The following MAP2K6 variants were observed in gnomAD, a reference collection of about 807,000 sequenced individuals.
The protein encoded by MAP2K6 is mitogen-activated protein kinase kinase 6, also known as dual specificity mitogen-activated protein kinase kinase 6.
Under a neutral mutation model 53.7 loss-of-function variants are expected in MAP2K6, and 16 were observed. That is an observed-to-expected ratio of 0.30 (90% CI 0.20 to 0.45). MAP2K6 has a LOEUF of 0.45. MAP2K6 is among the 20% of genes least tolerant of loss of function. The pLI is 1.00. For synonymous variants in MAP2K6, 132 were observed against 143.1 expected (o/e 0.92, Z 0.55); for missense variants, 204 against 411.9 (o/e 0.50, Z 4.37).
intron 1 of MAP2K6, among the ~76,000 whole-genome samples, chr17:69,450,216 G>A (rs916946004): frequency 6.6e-6 from 1 of 151,652 alleles, no homozygotes; most frequent in Non-Finnish European, 1.5e-5. Flanking sequence ...GCCTGCCAAA[G>A]TGCTGGGATT....
Position 69,550,986 on chromosome 17 carries a change from G to A in MAP2K6, c.*9233G>A, listed in dbSNP as rs1418491912. 6.6e-6 allele frequency: 1 copy of A among 152,146 alleles called. No individual in the cohort carries two copies. Among genetic ancestry groups the A allele is most frequent in the Non-Finnish European group, 1.5e-5 (1 of 68,028 alleles). The allele number at this position is 152,146 out of a possible 1,614,324, so 9.4% of individuals were successfully genotyped here. ...AAGACAGGGTCATTTAATTTTAATT[G>A]AGCATAAATCATTTTGAAAGAAAAA... On this transcript the variant is annotated 3_prime_UTR_variant, in exon 12 of 12. Transcript: ENST00000590474.
intron 1 of MAP2K6, among the ~76,000 whole-genome samples, chr17:69,504,888 TA>T (rs1028669601): frequency 3.2e-4 from 48 of 152,136 alleles, no homozygotes; most frequent in Non-Finnish European, 1.5e-5. Context: ...AGGGAAAATG[TA>T]AATAAGTATT....
intron 1 of MAP2K6, among the ~76,000 whole-genome samples, chr17:69,487,236 C>T (rs1908575124): frequency 6.6e-6 from 1 of 152,148 alleles, no homozygotes; most frequent in African/African-American, 2.4e-5. Context: ...AGAGTAATTT[C>T]AGCTGAAGGA....
intron 1 of MAP2K6, among the ~76,000 whole-genome samples, chr17:69,420,043 C>T (rs1189512299): frequency 6.6e-6 from 1 of 151,958 alleles, no homozygotes; most frequent in South Asian, 2.1e-4. Context: ...CAATTTAATT[C>T]CTTGATGAGT....
intron 1 of MAP2K6, among the ~76,000 whole-genome samples, chr17:69,457,023 A>G (rs1408955743): frequency 6.6e-6 from 1 of 152,142 alleles, no homozygotes; most frequent in Non-Finnish European, 1.5e-5. Flanking sequence ...GTTTTTGCAT[A>G]TGCTGTTCCC....
chr17:69,525,005 A>C lies in MAP2K6; in HGVS notation c.741+27A>C, dbSNP rs781001002. The C allele has an allele frequency of 1.9e-6, 3 of 1,585,220 alleles. No individual in the cohort carries two copies. In the South Asian group the frequency reaches 3.3e-5, roughly 18 times the overall value. Reference sequence around the variant, plus strand: ...TAGTGTATGCCAATCATCATGAACTATGAGGTTGTGGGTAATGAAACTAGA... The same window carrying C: ...TAGTGTATGCCAATCATCATGAACTCTGAGGTTGTGGGTAATGAAACTAGA... On this transcript the variant is annotated intron_variant, in intron 9 of 11. Transcript: ENST00000590474.
intron 1 of MAP2K6, among the ~76,000 whole-genome samples, chr17:69,436,553 T>A (rs766814278): frequency 2.6e-5 from 4 of 152,178 alleles, no homozygotes; most frequent in Non-Finnish European, 4.4e-5. Context: ...ATAAATAAAT[T>A]ATTTTTATCA....
At chr17:69,521,203 G>T in intron 7 of MAP2K6, 103 bp downstream of exon 7, 1 of 981,636 alleles carries the variant, frequency 1.0e-6, no homozygotes, top group South Asian at 1.5e-5. Context: ...AAGTAGAATT[G>T]ACTCAGGCAA....
intron 1 of MAP2K6, among the ~76,000 whole-genome samples, chr17:69,456,924 T>G (rs1016694216): frequency 6.6e-6 from 1 of 152,212 alleles, no homozygotes; most frequent in Admixed American, 6.5e-5. Context: ...ACACTTCCAT[T>G]TGACTGATAA....
intron 1 of MAP2K6, 159 bp from the exon 2 acceptor site, chr17:69,505,621 G>T: frequency 1.6e-6 from 1 of 638,866 alleles, no homozygotes; most frequent in Non-Finnish European, 2.9e-6. Flanking sequence ...TGGTGCTTGG[G>T]TTCTTAACAC....
intron 3 of MAP2K6, 83 bp downstream of exon 3, chr17:69,516,986 C>A: frequency 1.8e-6 from 2 of 1,138,766 alleles, no homozygotes; most frequent in Non-Finnish European, 2.6e-6. Flanking sequence ...TTTTCCCTAG[C>A]ATGCTGTCAG....
chr17:69,509,052 C>T (rs1598298565), intron 2 of MAP2K6, among the ~76,000 whole-genome samples: 2 of 152,334 alleles, frequency 1.3e-5, no homozygotes, highest in Admixed American at 1.3e-4. Flanking sequence ...TGATTCCTCT[C>T]ACTCTGTTCT....
chr17:69,538,045 T>A (rs1437327104), intron 11 of MAP2K6, among the ~76,000 whole-genome samples: 3 of 152,068 alleles, frequency 2.0e-5, no homozygotes, highest in Non-Finnish European at 4.4e-5. Flanking sequence ...TTTTAATTTT[T>A]ATTTTTTAGA....
intron 9 of MAP2K6, 100 bp from the exon 10 acceptor site, chr17:69,526,470 T>C: frequency 7.7e-7 from 1 of 1,301,268 alleles, no homozygotes; most frequent in Non-Finnish European, 1.1e-6. Flanking sequence ...ACTTGAACTT[T>C]GCCTTGTGTT....
At chr17:69,534,772 T>G (rs1381356354) in intron 10 of MAP2K6, among the ~76,000 whole-genome samples, 1 of 152,054 alleles carries the variant, frequency 6.6e-6, no homozygotes, top group East Asian at 1.9e-4. Flanking sequence ...ACATTTTGAT[T>G]CCTCCAACTC....
chr17:69,518,565 G>T (rs1910295166), intron 4 of MAP2K6, among the ~76,000 whole-genome samples: 1 of 152,190 alleles, frequency 6.6e-6, no homozygotes, highest in South Asian at 2.1e-4. Context: ...GGATCATAAA[G>T]AATTAACATC....
chr17:69,521,744 A>AAGAAAAT (rs1910482566), intron 7 of MAP2K6: 2 of 150,552 alleles, frequency 1.3e-5, no homozygotes, highest in Admixed American at 6.6e-5. Flanking sequence ...GGTATCTGAG[A>AAGAAAAT]AGAAAATATA....
intron 1 of MAP2K6, among the ~76,000 whole-genome samples, chr17:69,498,404 C>T (rs1374621237): frequency 6.6e-6 from 1 of 152,102 alleles, no homozygotes; most frequent in African/African-American, 2.4e-5. Flanking sequence ...TATATGGATC[C>T]TGAAGCCTCA....
At chr17:69,503,643 T>C (rs543176881) in intron 1 of MAP2K6, among the ~76,000 whole-genome samples, 94 of 152,314 alleles carry the variant, frequency 6.2e-4, no homozygotes, top group Non-Finnish European at 9.7e-4. Flanking sequence ...TCTGAAGGAA[T>C]TGAAAAATTT....
Sources: allele counts gnomAD v4.1 joint callset (sites outside exome capture counted in the v4.1 genomes callset), GRCh38; gene constraint gnomAD v4.1.1; transcripts MANE v1.5; gene names NCBI Gene and HGNC (gene_info 2026-07-23, HGNC 2026-07-21).